MAST2: variants seen among roughly 807,000 people sequenced by gnomAD.
The protein encoded by MAST2 is microtubule-associated serine/threonine-protein kinase 2.
A neutral mutation model predicts 147.4 loss-of-function variants in MAST2; 70 were observed. The observed-to-expected ratio is 0.47, with a 90% confidence interval of 0.39 to 0.58. MAST2 has a LOEUF of 0.58. Ranked by LOEUF, MAST2 falls within the 20% of genes least tolerant of loss-of-function variation. The pLI, the probability that MAST2 is intolerant of heterozygous loss-of-function variation, is 0.00. For missense variants in MAST2, 2,080 were observed against 2,302.3 expected (o/e 0.90, Z 1.98); for synonymous variants, 869 against 896.8 (o/e 0.97, Z 0.55).
chr1:45,971,266 A>G (rs1223213895), intron 5 of MAST2, among the ~76,000 whole-genome samples: 3 of 152,210 alleles, frequency 2.0e-5, no homozygotes, highest in Non-Finnish European at 4.4e-5. Context: ...CTCAGCAATC[A>G]GGGAATAGCC....
chr1:45,821,933 G>T (rs540578631), intron 1 of MAST2, among the ~76,000 whole-genome samples: 1 of 114,770 alleles, frequency 8.7e-6, no homozygotes, highest in East Asian at 2.9e-4. Flanking sequence ...CTGTCACCCA[G>T]CCTGGAGTGC....
chr1:46,019,484 GCT>G, intron 10 of MAST2, 110 bp from the exon 11 acceptor site: 1 of 777,026 alleles, frequency 1.3e-6, no homozygotes, highest in Non-Finnish European at 2.1e-6. Flanking sequence ...GCTTTGCGGA[GCT>G]CTCTATGCTA....
chr1:45,980,275 CAAAAA>C lies in MAST2; in HGVS notation c.593-17431_593-17427del, dbSNP rs35235290. Among the ~76,000 whole-genome samples the C allele has an allele frequency of 1.2e-4, 10 of 84,026 alleles. No homozygotes were observed. In the South Asian group the frequency reaches 1.3e-3, roughly 11 times the overall value. 55.1% of individuals were successfully genotyped at this position (84,026 alleles called of 152,430 possible). ...GGGCAACAGAGTGAGACTGTGTTTC[CAAAAA>C]AAAAAAAAAAAAAAAAAGGCAACAA... On this transcript the variant is annotated intron_variant, in intron 5 of 28. Coordinates refer to ENST00000361297, the MANE Select transcript of MAST2 (RefSeq NM_015112.3).
Position 46,023,809 on chromosome 1 carries a change from C to T in MAST2, c.1609C>T (p.Arg537Cys), listed in dbSNP as rs745676495. Residue 537 changes from arginine (R) to cysteine (C), a missense_variant, in exon 15 of 29, where the codon CGC becomes TGC. By Grantham distance (180) the Arg-to-Cys change is radical. Coordinates refer to ENST00000361297, the MANE Select transcript of MAST2 (RefSeq NM_015112.3). The surrounding 1 kb of genome is among the most constrained non-coding windows in gnomAD (Gnocchi z 4.9). ...FLVRHKSTRQ[R>C]FAMKKINKQN... ...GGTGCGGCACAAGTCCACCCGGCAGCGCTTTGCCATGAAGAAGATCAACAA... is the reference window on the plus strand; with the variant it reads ...GGTGCGGCACAAGTCCACCCGGCAGTGCTTTGCCATGAAGAAGATCAACAA... 26 of 1,613,952 alleles carry T rather than the reference C, an allele frequency of 1.6e-5. No homozygotes were observed. The highest frequency in any genetic ancestry group is 1.6e-4 in the Middle Eastern group (1 of 6,084).
chr1:45,852,661 A>G (rs949144370), intron 3 of MAST2, among the ~76,000 whole-genome samples: 12 of 151,652 alleles, frequency 7.9e-5, no homozygotes, highest in African/African-American at 2.9e-4. Flanking sequence ...GTGAGCCACT[A>G]TGCCTGGCCT....
At chr1:46,011,169 A>T in intron 10 of MAST2, 1 of 565,144 alleles carries the variant, frequency 1.8e-6, no homozygotes, top group Non-Finnish European at 3.2e-6. Context: ...TAAATCCAAA[A>T]TTATATTACT....
chr1:45,925,118 C>G (rs1169321769), intron 4 of MAST2, among the ~76,000 whole-genome samples: 1 of 152,136 alleles, frequency 6.6e-6, no homozygotes, highest in East Asian at 1.9e-4. Context: ...TGAGGACTAG[C>G]CCTGCTTAAG....
intron 4 of MAST2, among the ~76,000 whole-genome samples, chr1:45,923,674 A>G (rs756703331): frequency 1.3e-5 from 2 of 152,198 alleles, no homozygotes; most frequent in Non-Finnish European, 2.9e-5. Context: ...ACACTGTTCC[A>G]TGTCTCCATC....
intron 4 of MAST2, among the ~76,000 whole-genome samples, chr1:45,890,417 A>C (rs1211953647): frequency 6.6e-6 from 1 of 152,216 alleles, no homozygotes; most frequent in Non-Finnish European, 1.5e-5. Context: ...CCTGGCTTGC[A>C]GAGAGTGGCC....
At position 46,003,536 on chromosome 1, in the gene MAST2, C is replaced by T. The variant is rs540087321; in HGVS notation, c.747+653C>T. On this transcript the variant is annotated intron_variant, in intron 7 of 28. Transcript: ENST00000361297. ...AGGCTGGAGTGCAGTGGCGCAATCA[C>T]GGCTCGCTGCAGCTTCAACCTCCCC... Among the ~76,000 whole-genome samples, 45 of 151,910 alleles carry T rather than the reference C, an allele frequency of 3.0e-4. No homozygotes were observed. The South Asian group carries it at 4.0e-3, about 13-fold the overall frequency.
intron 4 of MAST2, among the ~76,000 whole-genome samples, chr1:45,942,231 C>G (rs1657407007): frequency 6.6e-6 from 1 of 151,064 alleles, no homozygotes; most frequent in Admixed American, 6.6e-5. Flanking sequence ...CTGTAATTTT[C>G]TTAGACTGTT....
intron 5 of MAST2, among the ~76,000 whole-genome samples, chr1:45,985,404 C>G (rs12093586): frequency 0.018 from 2,718 of 152,256 alleles, 85 homozygotes; most frequent in African/African-American, 0.063. Context: ...AGCTTTCGAC[C>G]TATGTATACA....
intron 6 of MAST2, among the ~76,000 whole-genome samples, chr1:45,998,730 CTTTT>C (rs768359136): frequency 7.0e-6 from 1 of 143,244 alleles, no homozygotes; most frequent in African/African-American, 2.5e-5. Context: ...ACTTAGACTA[CTTTT>C]TTTTTTTTTT....
intron 4 of MAST2, among the ~76,000 whole-genome samples, chr1:45,944,037 C>A (rs1657694166): frequency 6.6e-6 from 1 of 152,152 alleles, no homozygotes; most frequent in South Asian, 2.1e-4. Flanking sequence ...TGAATTATTT[C>A]CTGCATGAGA....
intron 4 of MAST2, among the ~76,000 whole-genome samples, chr1:45,925,449 G>C (rs1654212417): frequency 6.6e-6 from 1 of 152,166 alleles, no homozygotes; most frequent in Admixed American, 6.5e-5. Context: ...CCAGAGTATT[G>C]ATTGGCACTC....
At chr1:45,936,313 G>T (rs1424194821) in intron 4 of MAST2, among the ~76,000 whole-genome samples, 1 of 152,018 alleles carries the variant, frequency 6.6e-6, no homozygotes, top group Admixed American at 6.6e-5. Flanking sequence ...GGGTTTTCTA[G>T]GTATATAGAA....
Position 46,035,218 on chromosome 1 carries a change from G to C in MAST2, c.4549G>C (p.Gly1517Arg), listed in dbSNP as rs772163771. ...DTEEGPENSQ[G>R]AQELSLAPHP... ...CGAGGAAGGGCCTGAGAACAGCCAG[G>C]GTGCACAGGAGCTGAGCTTGGCACC... Residue 1517 changes from glycine to arginine, a missense_variant, in exon 29 of 29, where the codon GGT becomes CGT. By Grantham distance (125) the Gly-to-Arg change is moderately radical. Transcript: ENST00000361297. This position sits in a 1 kb window ranked among gnomAD's most constrained non-coding sequence, Gnocchi z 5.5. The C allele has an allele frequency of 1.1e-5, 17 of 1,613,946 alleles. No individual in the cohort carries two copies. The highest frequency in any genetic ancestry group is 1.6e-4 in the Middle Eastern group (1 of 6,084).
chr1:45,810,028 C>T (rs1644245719), intron 1 of MAST2, among the ~76,000 whole-genome samples: 1 of 152,060 alleles, frequency 6.6e-6, no homozygotes, highest in Non-Finnish European at 1.5e-5. Context: ...TTCATTTTTG[C>T]TTTTAAGTTG....
At chr1:45,967,575 A>T (rs984418896) in intron 5 of MAST2, among the ~76,000 whole-genome samples, 7 of 152,208 alleles carry the variant, frequency 4.6e-5, no homozygotes, top group African/African-American at 1.7e-4. Context: ...CATTAATTGG[A>T]AGTGTATCAT....
Sources: allele counts gnomAD v4.1 joint callset (sites outside exome capture counted in the v4.1 genomes callset), GRCh38; gene constraint gnomAD v4.1.1; non-coding constraint Gnocchi (gnomAD v3.1); transcripts MANE v1.5; gene names NCBI Gene and HGNC (gene_info 2026-07-23, HGNC 2026-07-21).